Variants in STAB2 observed in about 807,000 individuals in gnomAD.
The protein encoded by STAB2 is stabilin 2.
A neutral mutation model predicts 338.1 loss-of-function variants in STAB2; 288 were observed. That is an observed-to-expected ratio of 0.85 (90% confidence interval 0.77 to 0.94). The LOEUF (loss-of-function observed/expected upper bound fraction) is 0.94. Among genes scored for constraint, STAB2 ranks in the 40% least tolerant of loss-of-function variants. The pLI is 0.00. For missense variants in STAB2, 3,141 were observed against 3,210.1 expected, an observed-to-expected ratio of 0.98 and a Z score of 0.52; for synonymous variants, 1,202 against 1,193.3, an observed-to-expected ratio of 1.01 and a Z score of -0.15.
intron 42 of STAB2, among the ~76,000 whole-genome samples, chr12:103,714,425 C>T (rs1055363831): frequency 7.2e-5 from 11 of 152,166 alleles, no homozygotes; most frequent in African/African-American, 1.7e-4. Context: ...CCTGGCTGGG[C>T]GCAGTGGCTC....
chr12:103,654,510 C>T, intron 12 of STAB2, 45 bp from the exon 13 acceptor site: 2 of 1,589,646 alleles, frequency 1.3e-6, no homozygotes, highest in Non-Finnish European at 1.7e-6. Context: ...TTGCTCCTTC[C>T]AGGACACCAT....
chr12:103,726,258 G>A lies in STAB2; in HGVS notation c.4851+95G>A. On this transcript the variant is annotated intron_variant, in intron 46 of 68. Transcript: ENST00000388887. ...AATTCCAACACTTTGGGAGGCCAAG[G>A]CGGGCAGATTGCCTGAGCTCAGGAG... 2.2e-6 allele frequency: 3 copies of A among 1,345,202 alleles called. No homozygotes were observed. The South Asian group carries it at 3.7e-5, about 17-fold the overall frequency. The allele number at this position is 1,345,202 out of a possible 1,614,324, so 83.3% of individuals were successfully genotyped here.
chr12:103,685,422 CTGTGTGTGTGTGTGTGTG>C (rs141365936), intron 27 of STAB2, among the ~76,000 whole-genome samples: 1 of 145,816 alleles, frequency 6.9e-6, no homozygotes, highest in African/African-American at 2.5e-5. Context: ...CTTACCCATG[CTGTGTGTGTGTGTGTGTG>C]TGTGTGTGTG....
chr12:103,764,550 G>A lies in STAB2; in HGVS notation c.7605+942G>A, dbSNP rs767946561. ...TGCCTGTAGTTTAATACCAGTTCTC[G>A]ACTGAAAAAAATACATAGGAATAGA... is the stretch of plus-strand genomic sequence containing the variant. On this transcript the variant is annotated intron_variant, in intron 68 of 68. Coordinates refer to ENST00000388887, the MANE Select transcript of STAB2 (RefSeq NM_017564.10). Among the ~76,000 whole-genome samples the A allele has an allele frequency of 6.6e-5, 10 of 152,086 alleles. No individual in the cohort carries two copies. The South Asian group carries it at 1.0e-3, about 16-fold the overall frequency.
At chr12:103,720,699 A>G (rs1190243828) in intron 44 of STAB2, among the ~76,000 whole-genome samples, 1 of 152,218 alleles carries the variant, frequency 6.6e-6, no homozygotes, top group African/African-American at 2.4e-5. Flanking sequence ...GTTAGTCCCC[A>G]GTCCAAACTG....
intron 44 of STAB2, among the ~76,000 whole-genome samples, chr12:103,721,992 CA>C (rs1426269374): frequency 2.6e-5 from 4 of 152,166 alleles, no homozygotes; most frequent in Admixed American, 1.3e-4. Flanking sequence ...GAAATATCAA[CA>C]GGTCTGTCTT....
intron 2 of STAB2, among the ~76,000 whole-genome samples, chr12:103,591,313 C>T (rs1298617160): frequency 4.6e-5 from 7 of 151,872 alleles, no homozygotes; most frequent in African/African-American, 1.5e-4. Flanking sequence ...GGTGAAAACT[C>T]ATCTCTACTA....
At chr12:103,621,303 G>C (rs996975594) in intron 4 of STAB2, among the ~76,000 whole-genome samples, 4 of 152,082 alleles carry the variant, frequency 2.6e-5, no homozygotes, top group African/African-American at 7.2e-5. Flanking sequence ...TAGGCTTACC[G>C]GTTCAAGATT....
intron 41 of STAB2, 74 bp from the exon 42 acceptor site, chr12:103,713,554 TATGTTCCATTTCTCA>T (rs1397102627): frequency 1.3e-6 from 2 of 1,565,996 alleles, no homozygotes; most frequent in African/African-American, 2.7e-5. Context: ...AGTTTTGCAG[TATGTTCCATTTCTCA>T]ATGACTTGAG....
chr12:103,675,722 TAAG>T (rs1323459454), intron 23 of STAB2, among the ~76,000 whole-genome samples: 1 of 152,240 alleles, frequency 6.6e-6, no homozygotes, highest in African/African-American at 2.4e-5. Context: ...ACACAACTGC[TAAG>T]AAGTGGGCAG....
chr12:103,621,418 T>C (rs534960737), intron 4 of STAB2, among the ~76,000 whole-genome samples: 55 of 152,170 alleles, frequency 3.6e-4, no homozygotes, highest in Non-Finnish European at 5.9e-4. Flanking sequence ...CTGAAAAGGA[T>C]TGAGCTCAAC....
chr12:103,680,820 G>A (rs926581803), intron 25 of STAB2, among the ~76,000 whole-genome samples: 3 of 152,246 alleles, frequency 2.0e-5, no homozygotes, highest in Admixed American at 2.0e-4. Context: ...TTTCCAGAAA[G>A]TGAGAGAACA....
intron 65 of STAB2, among the ~76,000 whole-genome samples, chr12:103,760,588 G>A (rs771180142): frequency 4.6e-5 from 7 of 152,124 alleles, no homozygotes; most frequent in African/African-American, 7.2e-5. Context: ...GGGGTGACAT[G>A]TCCTAAGCCC....
At chr12:103,606,430 G>A (rs955471052) in intron 3 of STAB2, among the ~76,000 whole-genome samples, 4 of 152,022 alleles carry the variant, frequency 2.6e-5, no homozygotes, top group East Asian at 1.9e-4. Flanking sequence ...ACATAATGAC[G>A]ATGTCCAGCA....
intron 8 of STAB2, 43 bp downstream of exon 8, chr12:103,638,255 C>T: frequency 6.5e-7 from 1 of 1,528,190 alleles, no homozygotes; most frequent in Non-Finnish European, 8.8e-7. Context: ...AGAAGTTTGA[C>T]AAGCCACTAT....
chr12:103,712,428 G>C lies in STAB2; in HGVS notation c.4396G>C (p.Gly1466Arg). ...GTGTGCAGCAGGATTCCAAGGAAAC[G>C]GGACCATCTGCACAGGCAAGCGAAG... ...CKCAAGFQGN[G>R]TICTAINACE... The change falls in exon 41 of 69, where the codon GGG becomes CGG. Residue 1466 changes from glycine (G) to arginine (R), a missense_variant. Transcript: ENST00000388887. The C allele has an allele frequency of 6.2e-7, 1 of 1,613,850 alleles. No individual in the cohort carries two copies. Among genetic ancestry groups the C allele is most frequent in the Non-Finnish European group, 8.5e-7 (1 of 1,179,822 alleles).
chr12:103,739,144 ATT>A lies in STAB2; in HGVS notation c.5698-254_5698-253del, dbSNP rs10711740. On this transcript the variant is annotated intron_variant, in intron 53 of 68. Transcript: ENST00000388887. The stretch of plus-strand genomic sequence containing the variant: ...GTTCATGTGCCACCATGCCTGGCTA[ATT>A]TTTTTTTTTTTTTACAGTTGGAGTC... Among the ~76,000 whole-genome samples, 329 of 146,644 alleles carry A rather than the reference ATT, an allele frequency of 2.2e-3. 1 individual carries two copies. Among genetic ancestry groups the A allele is most frequent in the Middle Eastern group, 7.0e-3 (2 of 286 alleles).
intron 25 of STAB2, 57 bp downstream of exon 25, chr12:103,677,668 T>C: frequency 6.4e-7 from 1 of 1,573,392 alleles, no homozygotes; most frequent in South Asian, 1.2e-5. Flanking sequence ...TGACTTTGCT[T>C]TCCCCTCAGG....
At chr12:103,616,677 C>G (rs952985144) in intron 3 of STAB2, among the ~76,000 whole-genome samples, 1 of 152,170 alleles carries the variant, frequency 6.6e-6, no homozygotes, top group African/African-American at 2.4e-5. Context: ...CCTTGTACAC[C>G]CATTTCTGGG....
Sources: gnomAD v4.1 joint callset for allele counts (sites outside exome capture counted in the v4.1 genomes callset) on GRCh38, gnomAD v4.1.1 for gene constraint, MANE v1.5 for transcripts, NCBI Gene and HGNC (gene_info 2026-07-23, HGNC 2026-07-21) for gene names.